The following AGFG2 variants were observed in gnomAD, a reference collection of about 807,000 sequenced individuals.
AGFG2 encodes the protein ArfGAP with FG repeats 2, also known as arf-GAP domain and FG repeat-containing protein 2.
A neutral mutation model predicts 48.0 loss-of-function variants in AGFG2; 31 were observed. That is an observed-to-expected ratio of 0.65 (90% CI 0.49 to 0.87). AGFG2 has a LOEUF of 0.87. Ranked by LOEUF, AGFG2 falls within the 40% of genes least tolerant of loss-of-function variation. The pLI, the probability that AGFG2 is intolerant of heterozygous loss-of-function variation, is 0.00. For synonymous variants in AGFG2, 229 were observed against 260.8 expected, an observed-to-expected ratio of 0.88 and a Z score of 1.18; for missense variants, 599 against 632.6, an observed-to-expected ratio of 0.95 and a Z score of 0.57.
intron 9 of AGFG2, among the ~76,000 whole-genome samples, 174 bp from the exon 10 acceptor site, chr7:100,563,660 G>A (rs1800930369): frequency 6.6e-6 from 1 of 152,220 alleles, no homozygotes; most frequent in African/African-American, 2.4e-5. Flanking sequence ...GGCAGGGAGA[G>A]GGCAGGGTTG....
At chr7:100,549,173 G>T (rs917924300) in intron 2 of AGFG2, among the ~76,000 whole-genome samples, 1 of 152,156 alleles carries the variant, frequency 6.6e-6, no homozygotes, top group Non-Finnish European at 1.5e-5. Flanking sequence ...CAATGGAGGG[G>T]TAGAATGACC....
intron 3 of AGFG2, 139 bp downstream of exon 3, chr7:100,550,650 G>A: frequency 8.0e-6 from 5 of 628,678 alleles, no homozygotes; most frequent in Non-Finnish European, 1.4e-5. Context: ...ATTCAGTTAC[G>A]GCTAAAATAA....
At chr7:100,564,774 G>C (rs1168494796) in intron 11 of AGFG2, among the ~76,000 whole-genome samples, 158 bp from the exon 12 acceptor site, 1 of 152,086 alleles carries the variant, frequency 6.6e-6, no homozygotes, top group Non-Finnish European at 1.5e-5. Flanking sequence ...AAAGGGCTGG[G>C]ATTACAGGCA....
chr7:100,545,825 C>T (rs954829762), intron 1 of AGFG2, among the ~76,000 whole-genome samples: 1 of 152,170 alleles, frequency 6.6e-6, no homozygotes, highest in Non-Finnish European at 1.5e-5. Context: ...ACCTAGGCCA[C>T]ATGGTTTTAG....
At chr7:100,553,859 G>T (rs1002373951) in intron 4 of AGFG2, among the ~76,000 whole-genome samples, 1 of 152,198 alleles carries the variant, frequency 6.6e-6, no homozygotes, top group Admixed American at 6.5e-5. Context: ...GGGTTACCTT[G>T]GCTCATGTGC....
At chr7:100,564,344 CT>C in intron 11 of AGFG2, 41 bp downstream of exon 11, 1 of 1,578,988 alleles carries the variant, frequency 6.3e-7, no homozygotes, top group Admixed American at 1.8e-5. Flanking sequence ...GGCTCGTGGG[CT>C]TTCCCTCTGG....
chr7:100,539,425 G>A lies in AGFG2; in HGVS notation c.79G>A (p.Glu27Lys). The A allele has an allele frequency of 7.5e-7, 1 of 1,326,004 alleles. No individual in the cohort carries two copies. 82.1% of individuals were successfully genotyped at this position (1,326,004 alleles called of 1,614,324 possible). A position where few individuals can be genotyped will look rare whatever the true frequency, so the allele number is the denominator to read the frequency against. ...CAAGGCGGAGGCGGAGGCGGCCTCG[G>A]AGGTGTGGTGCCGTCGGGTGCGGGA... ...GGKAEAEAAS[E>K]VWCRRVRELG... The change falls in exon 1 of 12, where the codon GAG becomes AAG. Residue 27 changes from glutamate to lysine, a missense_variant. Glu to Lys is a moderately conservative substitution (Grantham distance 56, BLOSUM62 1). Transcript: ENST00000300176.
intron 3 of AGFG2, among the ~76,000 whole-genome samples, chr7:100,551,885 CAAAA>C (rs59484677): frequency 3.0e-4 from 5 of 16,848 alleles, no homozygotes; most frequent in African/African-American, 7.1e-4. Context: ...GAGACTGTCT[CAAAA>C]AAAAAAAAAA....
At chr7:100,556,055 C>G (rs1015295396) in intron 6 of AGFG2, 8 of 265,882 alleles carry the variant, frequency 3.0e-5, no homozygotes, top group Admixed American at 4.3e-5. Flanking sequence ...GACTTTTTCT[C>G]TAAGGTGCTC....
chr7:100,547,526 T>C (rs926217707), intron 1 of AGFG2, among the ~76,000 whole-genome samples: 76 of 151,988 alleles, frequency 5.0e-4, no homozygotes, highest in African/African-American at 1.8e-3. Context: ...CCAGTGAGGG[T>C]AGTAGACCTA....
In AGFG2 at chr7:100,559,605, T is replaced by C. The variant is rs1800822730; in HGVS notation, c.878-2654T>C. Among the ~76,000 whole-genome samples, 5 of 151,934 alleles carry C rather than the reference T, an allele frequency of 3.3e-5. No individual in the cohort carries two copies. In the South Asian group the frequency reaches 1.0e-3, roughly 32 times the overall value. On this transcript the variant is annotated intron_variant, in intron 6 of 11. Transcript: ENST00000300176. ...GCTGAGGTGGGCAGATCACCTGAGC[T>C]CAGGAGTTTGAGACCAGCCTGGGCA...
intron 3 of AGFG2, among the ~76,000 whole-genome samples, chr7:100,552,098 T>C (rs899067401): frequency 3.3e-5 from 5 of 150,866 alleles, no homozygotes; most frequent in African/African-American, 9.8e-5. Context: ...TACAAAAAAT[T>C]AGCCAGGCAT....
Position 100,555,658 on chromosome 7 carries a change from G to A in AGFG2, c.800G>A (p.Ser267Asn), listed in dbSNP as rs983807528. The A allele has an allele frequency of 6.2e-7, 1 of 1,614,122 alleles. No individual in the cohort carries two copies. Among genetic ancestry groups the A allele is most frequent in the South Asian group, 1.1e-5 (1 of 91,080 alleles). ...TTTGCCAACTTTGATGCCTTTAGCA[G>A]TGGCCCCAGCTCTTCTGTGTTTGGA... ...GGFANFDAFS[S>N]GPSSSVFGSL... Residue 267 changes from serine (S) to asparagine (N), a missense_variant, in exon 6 of 12, where the codon AGT (serine) becomes AAT (asparagine). Physicochemically the swap from Ser to Asn is conservative, Grantham distance 46. Transcript: ENST00000300176.
At chr7:100,563,722 A>T (rs759682446) in intron 9 of AGFG2, 112 bp from the exon 10 acceptor site, 220 of 1,498,118 alleles carry the variant, frequency 1.5e-4, no homozygotes, top group Admixed American at 3.3e-4. Flanking sequence ...CTCGTTCCTC[A>T]TGTCAGGAAA....
chr7:100,556,708 T>G (rs1217388693), intron 6 of AGFG2: 4 of 1,189,568 alleles, frequency 3.4e-6, no homozygotes, highest in East Asian at 1.2e-4. Context: ...CCCTTAAAAT[T>G]TGGCCATTTG....
At chr7:100,552,189 C>T (rs1035179388) in intron 3 of AGFG2, among the ~76,000 whole-genome samples, 88 of 151,574 alleles carry the variant, frequency 5.8e-4, no homozygotes, top group African/African-American at 2.1e-3. Context: ...TGGTTGCAGT[C>T]AGCTGAGATC....
At chr7:100,564,363 C>T in intron 11 of AGFG2, 60 bp downstream of exon 11, 1 of 1,529,176 alleles carries the variant, frequency 6.5e-7, no homozygotes, top group South Asian at 1.2e-5. Flanking sequence ...TGGGACAATC[C>T]TTCCAGAAGA....
At chr7:100,564,662 C>T (rs1800966941) in intron 11 of AGFG2, among the ~76,000 whole-genome samples, 1 of 152,100 alleles carries the variant, frequency 6.6e-6, no homozygotes, top group Admixed American at 6.5e-5. Flanking sequence ...CACCACCGCA[C>T]ATGGCTAATT....
At chr7:100,554,033 G>T in intron 4 of AGFG2, 60 bp from the exon 5 acceptor site, 1 of 1,553,946 alleles carries the variant, frequency 6.4e-7, no homozygotes. Flanking sequence ...TGGGGAGCCA[G>T]AGGAGGGCCT....
Sources: allele counts gnomAD v4.1 joint callset (sites outside exome capture counted in the v4.1 genomes callset), GRCh38; gene constraint gnomAD v4.1.1; transcripts MANE v1.5; gene names NCBI Gene and HGNC (gene_info 2026-07-23, HGNC 2026-07-21).